Variants in MAN1C1 observed in about 807,000 individuals in gnomAD.
MAN1C1 encodes the protein mannosidase alpha class 1C member 1, also known as mannosyl-oligosaccharide 1,2-alpha-mannosidase IC.
Under a neutral mutation model 71.5 loss-of-function variants are expected in MAN1C1, and 49 were observed. That is an observed-to-expected ratio of 0.69 (90% confidence interval 0.54 to 0.87). The LOEUF (loss-of-function observed/expected upper bound fraction) is 0.87. Ranked by LOEUF, MAN1C1 falls within the 40% of genes least tolerant of loss-of-function variation. MAN1C1 has a pLI of 0.00. For missense variants in MAN1C1, 743 were observed against 835.0 expected, an observed-to-expected ratio of 0.89 and a Z score of 1.36; for synonymous variants, 352 against 343.7, an observed-to-expected ratio of 1.02 and a Z score of -0.27.
chr1:25,724,050 CAG>C (rs1358397494), intron 2 of MAN1C1, among the ~76,000 whole-genome samples: 3 of 122,380 alleles, frequency 2.5e-5, no homozygotes, highest in Non-Finnish European at 5.1e-5. Flanking sequence ...TTTTTTGAAA[CAG>C]AGTTTTGCTC....
chr1:25,701,991 C>A (rs2124220402), intron 2 of MAN1C1, among the ~76,000 whole-genome samples: 1 of 152,258 alleles, frequency 6.6e-6, no homozygotes, highest in Non-Finnish European at 1.5e-5. Flanking sequence ...ACCTGAGAGG[C>A]AGAGGTTGCA....
intron 6 of MAN1C1, among the ~76,000 whole-genome samples, chr1:25,762,644 T>C (rs2047376721): frequency 6.6e-6 from 1 of 151,734 alleles, no homozygotes; most frequent in Non-Finnish European, 1.5e-5. Flanking sequence ...CCACGGCTGG[T>C]CTCAAACTCC....
At chr1:25,672,475 C>T (rs1208727053) in intron 1 of MAN1C1, among the ~76,000 whole-genome samples, 1 of 152,204 alleles carries the variant, frequency 6.6e-6, no homozygotes, top group East Asian at 1.9e-4. Flanking sequence ...CTTCGAGAGG[C>T]CACCTGCATC....
intron 1 of MAN1C1, among the ~76,000 whole-genome samples, chr1:25,652,054 G>A (rs2045700387): frequency 6.6e-6 from 1 of 152,232 alleles, no homozygotes; most frequent in South Asian, 2.1e-4. Flanking sequence ...TCAAAGCCAA[G>A]TGCTTGATCT....
intron 2 of MAN1C1, among the ~76,000 whole-genome samples, chr1:25,727,581 G>A (rs2046849564): frequency 6.6e-6 from 1 of 152,244 alleles, no homozygotes; most frequent in East Asian, 1.9e-4. Flanking sequence ...GAGGAACCCT[G>A]CAGCAAAAGG....
At position 25,618,275 on chromosome 1, in the gene MAN1C1, A is replaced by T. The variant is rs774913985; in HGVS notation, c.478A>T (p.Arg160Trp). The change falls in exon 1 of 12, where the codon AGG becomes TGG. Residue 160 changes from arginine to tryptophan, a missense_variant. Physicochemically the swap from Arg to Trp is moderately radical, Grantham distance 101. Transcript: ENST00000374332. ...TCTCCGCCACCCGGTCCTGGGAACG[A>T]GGGCCGATGAGAGTCAGGAGCCCCA... ...SRLRHPVLGT[R>W]ADESQEPQSQ... 6.2e-7 allele frequency: 1 copy of T among 1,604,268 alleles called. No individual in the cohort carries two copies. The highest frequency in any genetic ancestry group is 2.3e-5 in the East Asian group (1 of 44,444).
At chr1:25,668,285 G>A (rs1027859290) in intron 1 of MAN1C1, among the ~76,000 whole-genome samples, 3 of 149,470 alleles carry the variant, frequency 2.0e-5, no homozygotes, top group African/African-American at 4.9e-5. Flanking sequence ...TACCTTGCTT[G>A]ACTTTCCTTC....
In MAN1C1 at chr1:25,778,348, A is replaced by G; in HGVS notation, c.1477+24A>G. ...AGGTAACCCTGCAAGGGGAAGGGGC[A>G]GCAGGAGAGACTGAGGCTAGACACC... is the stretch of plus-strand genomic sequence containing the variant. On this transcript the variant is annotated intron_variant, in intron 9 of 11. Coordinates refer to ENST00000374332, the MANE Select transcript of MAN1C1 (RefSeq NM_020379.4). This position sits in a 1 kb window ranked among gnomAD's most constrained non-coding sequence, Gnocchi z 5.5. 6.3e-7 allele frequency: 1 copy of G among 1,586,834 alleles called. No homozygotes were observed. Among genetic ancestry groups the G allele is most frequent in the Non-Finnish European group, 8.6e-7 (1 of 1,162,812 alleles).
intron 8 of MAN1C1, chr1:25,777,729 GCCTGGACC>G (rs2047637171): frequency 1.5e-5 from 3 of 195,414 alleles, no homozygotes; most frequent in Non-Finnish European, 1.0e-5. Context: ...AGTTTTAAGG[GCCTGGACC>G]CCTGAAGCCC....
chr1:25,650,058 G>A (rs966096987), intron 1 of MAN1C1, among the ~76,000 whole-genome samples: 5 of 152,170 alleles, frequency 3.3e-5, no homozygotes, highest in African/African-American at 7.2e-5. Flanking sequence ...GGGGGAGGGG[G>A]CAGTGCACAG....
At position 25,634,768 on chromosome 1, in the gene MAN1C1, C is replaced by T. The variant is rs189501789; in HGVS notation, c.540+16431C>T. 2.0e-4 allele frequency among the ~76,000 whole-genome samples: 30 copies of T among 151,982 alleles called. No individual in the cohort carries two copies. The highest frequency in any genetic ancestry group is 1.7e-3 in the South Asian group (8 of 4,820). On this transcript the variant is annotated intron_variant, in intron 1 of 11. Transcript: ENST00000374332. This position sits in a 1 kb window ranked among gnomAD's most constrained non-coding sequence, Gnocchi z 4.6. ...TAGGGAGGCGGAGGTTGCAGTAAGTCGAGATTGTGCCACTGCACTCCAGCC... is the reference window on the plus strand; with the variant it reads ...TAGGGAGGCGGAGGTTGCAGTAAGTTGAGATTGTGCCACTGCACTCCAGCC...
rs1397214553 is a variant in MAN1C1 at position 25,769,213 on chromosome 1, C to G, written c.1142-2444C>G. Among the ~76,000 whole-genome samples the G allele has an allele frequency of 6.7e-6, 1 of 150,324 alleles. No homozygotes were observed. Among genetic ancestry groups the G allele is most frequent in the Non-Finnish European group, 1.5e-5 (1 of 67,550 alleles). ...TCGCCTCATGCACACACCCCACACACTACACATAGTCCCCTCATACACTAC... is the reference window on the plus strand; with the variant it reads ...TCGCCTCATGCACACACCCCACACAGTACACATAGTCCCCTCATACACTAC... On this transcript the variant is annotated intron_variant, in intron 7 of 11. Transcript: ENST00000374332. The surrounding 1 kb of genome is among the most constrained non-coding windows in gnomAD (Gnocchi z 4.8).
At chr1:25,766,405 T>G (rs2047427434) in intron 7 of MAN1C1, among the ~76,000 whole-genome samples, 1 of 152,084 alleles carries the variant, frequency 6.6e-6, no homozygotes, top group East Asian at 1.9e-4. Context: ...CCACCTTGCA[T>G]AAGCTTAAGT....
chr1:25,738,486 A>C (rs1432601768), intron 2 of MAN1C1, among the ~76,000 whole-genome samples: 1 of 152,220 alleles, frequency 6.6e-6, no homozygotes, highest in Non-Finnish European at 1.5e-5. Flanking sequence ...AATTACTCCA[A>C]AACTTGGGGG....
At chr1:25,655,346 T>TA (rs1290898393) in intron 1 of MAN1C1, among the ~76,000 whole-genome samples, 1 of 152,236 alleles carries the variant, frequency 6.6e-6, no homozygotes, top group East Asian at 1.9e-4. Flanking sequence ...CTTCCAGGGT[T>TA]AAAGTTCCCC....
chr1:25,621,411 G>A (rs2045206076), intron 1 of MAN1C1, among the ~76,000 whole-genome samples: 1 of 152,206 alleles, frequency 6.6e-6, no homozygotes, highest in South Asian at 2.1e-4. Flanking sequence ...TGAAGGCTTG[G>A]TAGTAGCCTT....
At chr1:25,654,897 G>A (rs1487339537) in intron 1 of MAN1C1, among the ~76,000 whole-genome samples, 3 of 152,074 alleles carry the variant, frequency 2.0e-5, no homozygotes, top group Non-Finnish European at 4.4e-5. Flanking sequence ...TGCCCACCTC[G>A]GCCTCCCAAA....
At chr1:25,710,988 C>T (rs993853049) in intron 2 of MAN1C1, among the ~76,000 whole-genome samples, 1 of 152,170 alleles carries the variant, frequency 6.6e-6, no homozygotes, top group Non-Finnish European at 1.5e-5. Context: ...TGCTGTGTAA[C>T]AAACCACCCT....
chr1:25,648,074 C>T (rs967166463), intron 1 of MAN1C1, among the ~76,000 whole-genome samples: 10 of 152,174 alleles, frequency 6.6e-5, no homozygotes, highest in African/African-American at 1.2e-4. Context: ...CTGGGAGCCC[C>T]GCCTGCATCT....
Sources: allele counts gnomAD v4.1 joint callset (sites outside exome capture counted in the v4.1 genomes callset), GRCh38; gene constraint gnomAD v4.1.1; non-coding constraint Gnocchi (gnomAD v3.1); transcripts MANE v1.5; gene names NCBI Gene and HGNC (gene_info 2026-07-23, HGNC 2026-07-21).